The following KLHL1 variants were observed in gnomAD, a reference collection of about 807,000 sequenced individuals.
KLHL1 encodes kelch-like protein 1.
A neutral mutation model predicts 77.7 loss-of-function variants in KLHL1; 47 were observed. That is an observed-to-expected ratio of 0.60 (90% CI 0.48 to 0.77). KLHL1 has a LOEUF of 0.77. Among genes scored for constraint, KLHL1 ranks in the 30% least tolerant of loss-of-function variants. The probability of loss-of-function intolerance (pLI) is 0.00; values close to 1 mark genes in which losing one functional copy is unlikely to be tolerated. For missense variants in KLHL1, 925 were observed against 910.8 expected (o/e 1.02, Z -0.20); for synonymous variants, 360 against 325.2 (o/e 1.11, Z -1.15).
intron 7 of KLHL1, among the ~76,000 whole-genome samples, chr13:69,754,299 T>G (rs1874614459): frequency 6.6e-6 from 1 of 152,158 alleles, no homozygotes; most frequent in African/African-American, 2.4e-5. Context: ...CATATTGATG[T>G]TATTCAGGGA....
intron 1 of KLHL1, among the ~76,000 whole-genome samples, chr13:70,013,235 G>A (rs569121073): frequency 1.3e-5 from 2 of 152,204 alleles, no homozygotes; most frequent in South Asian, 4.1e-4. Flanking sequence ...AACACTGAAA[G>A]CAATTCTATA....
intron 1 of KLHL1, 140 bp downstream of exon 1, chr13:70,107,063 G>T: frequency 8.0e-7 from 1 of 1,244,534 alleles, no homozygotes; most frequent in Non-Finnish European, 1.1e-6. Flanking sequence ...ATTAGAACTT[G>T]AGTAATCAAA....
chr13:69,733,376 G>A (rs960626390), intron 8 of KLHL1, among the ~76,000 whole-genome samples: 6 of 152,058 alleles, frequency 3.9e-5, no homozygotes, highest in Non-Finnish European at 8.8e-5. Flanking sequence ...AGAAGACACA[G>A]GAAAGTCCCT....
At chr13:69,998,682 A>G (rs1885216195) in intron 1 of KLHL1, among the ~76,000 whole-genome samples, 1 of 152,050 alleles carries the variant, frequency 6.6e-6, no homozygotes, top group Admixed American at 6.6e-5. Context: ...CTACAGACTT[A>G]TCGACTTTAA....
intron 7 of KLHL1, among the ~76,000 whole-genome samples, chr13:69,753,691 T>A (rs1874582569): frequency 1.3e-5 from 2 of 152,178 alleles, no homozygotes; most frequent in Admixed American, 1.3e-4. Flanking sequence ...TCAGTAGGTG[T>A]AATGTTAATG....
chr13:70,078,056 T>C (rs1227553161), intron 1 of KLHL1, among the ~76,000 whole-genome samples: 1 of 152,026 alleles, frequency 6.6e-6, no homozygotes, highest in Non-Finnish European at 1.5e-5. Flanking sequence ...AATGATCTTT[T>C]TTCTTTTTAT....
Position 69,855,288 on chromosome 13 carries a change from TTAGATAGATAGATAGATAGATAGATAGA to T in KLHL1, c.1228-16154_1228-16127del, listed in dbSNP as rs200890874. ...AAGTATTTTATCACTCGTACTAATT[TTAGATAGATAGATAGATAGATAGATAGA>T]TAGATAGATAGATAGATAGATAGAT... On this transcript the variant is annotated intron_variant, in intron 5 of 10. Transcript: ENST00000377844. Among the ~76,000 whole-genome samples the T allele has an allele frequency of 1.6e-4, 22 of 141,924 alleles. 1 individual carries two copies. Among genetic ancestry groups the T allele is most frequent in the South Asian group, 7.0e-4 (3 of 4,316 alleles). 93.1% of individuals were successfully genotyped at this position (141,924 alleles called of 152,430 possible).
intron 1 of KLHL1, among the ~76,000 whole-genome samples, chr13:70,019,354 A>T (rs1885733275): frequency 1.8e-5 from 1 of 54,554 alleles, no homozygotes; most frequent in Admixed American, 2.1e-4. Context: ...CACAGAACTG[A>T]GTAAGCTATA....
intron 4 of KLHL1, among the ~76,000 whole-genome samples, chr13:69,886,377 AG>A (rs1184338632): frequency 4.1e-5 from 1 of 24,344 alleles, no homozygotes; most frequent in Non-Finnish European, 2.1e-4. Flanking sequence ...GTTTTGCACC[AG>A]TTTTTTTTTT....
At chr13:69,797,912 C>T (rs1322592904) in intron 6 of KLHL1, among the ~76,000 whole-genome samples, 1 of 151,562 alleles carries the variant, frequency 6.6e-6, no homozygotes, top group Non-Finnish European at 1.5e-5. Context: ...GTTAGAATCT[C>T]TAAATAATAT....
At chr13:69,770,629 GTCCTAAGACATTAATC>G (rs1875518926) in intron 7 of KLHL1, among the ~76,000 whole-genome samples, 1 of 152,186 alleles carries the variant, frequency 6.6e-6, no homozygotes, top group Non-Finnish European at 1.5e-5. Context: ...GTGAGCCACT[GTCCTAAGACATTAATC>G]TTTCTATTGT....
intron 8 of KLHL1, among the ~76,000 whole-genome samples, chr13:69,720,331 C>T (rs1228777391): frequency 1.3e-5 from 2 of 152,080 alleles, no homozygotes; most frequent in Non-Finnish European, 2.9e-5. Flanking sequence ...TAATCATAGT[C>T]ATGATTTTAT....
intron 1 of KLHL1, among the ~76,000 whole-genome samples, chr13:70,041,991 G>A (rs1886389221): frequency 6.6e-6 from 1 of 152,124 alleles, no homozygotes; most frequent in African/African-American, 2.4e-5. Context: ...TTTGGTTAAA[G>A]TAGATTGTTT....
intron 4 of KLHL1, among the ~76,000 whole-genome samples, chr13:69,932,348 GGA>G (rs1364168301): frequency 6.6e-6 from 1 of 151,218 alleles, no homozygotes; most frequent in African/African-American, 2.4e-5. Flanking sequence ...TTTTATTTGT[GGA>G]AGACTGTGCT....
intron 1 of KLHL1, among the ~76,000 whole-genome samples, chr13:70,021,412 C>G (rs1885790385): frequency 6.6e-6 from 1 of 152,038 alleles, no homozygotes; most frequent in Non-Finnish European, 1.5e-5. Flanking sequence ...CATTCACATA[C>G]TGAAGGGCAT....
intron 5 of KLHL1, among the ~76,000 whole-genome samples, chr13:69,861,965 CAAAATAAAATAAAATAAAATAAAAT>C (rs58892254): frequency 0.039 from 4,804 of 123,316 alleles, 270 homozygotes; most frequent in African/African-American, 0.13. Context: ...AACTCCGTCT[CAAAATAAAATAAAATAAAATAAAAT>C]AAAATAAAAT....
chr13:69,821,364 G>T (rs1445611942), intron 6 of KLHL1, among the ~76,000 whole-genome samples: 4 of 151,848 alleles, frequency 2.6e-5, no homozygotes, highest in Non-Finnish European at 4.4e-5. Flanking sequence ...GCCCAGGCTG[G>T]AGTGCAGTGG....
chr13:69,974,116 TTA>T (rs1162397816), intron 2 of KLHL1, among the ~76,000 whole-genome samples: 4 of 152,028 alleles, frequency 2.6e-5, no homozygotes, highest in Non-Finnish European at 5.9e-5. Context: ...AGTAATGTAC[TTA>T]AGTTTATCAC....
intron 7 of KLHL1, among the ~76,000 whole-genome samples, chr13:69,787,705 C>CCAT (rs1876632783): frequency 2.0e-5 from 3 of 152,210 alleles, no homozygotes; most frequent in Admixed American, 6.5e-5. Flanking sequence ...AAAGAAACTA[C>CCAT]CATCAGAGTG....
Sources: gnomAD v4.1 joint callset for allele counts (sites outside exome capture counted in the v4.1 genomes callset) on GRCh38, gnomAD v4.1.1 for gene constraint, MANE v1.5 for transcripts, NCBI Gene and HGNC (gene_info 2026-07-23, HGNC 2026-07-21) for gene names.